Variants in CSMD1 observed in about 807,000 individuals in gnomAD.
CSMD1 encodes the protein CUB and sushi domain-containing protein 1.
A neutral mutation model predicts 417.5 loss-of-function variants in CSMD1; 213 were observed. That is an observed-to-expected ratio of 0.51 (90% CI 0.46 to 0.57). The LOEUF (loss-of-function observed/expected upper bound fraction) is 0.57. Ranked by LOEUF, CSMD1 falls within the 20% of genes least tolerant of loss-of-function variation. CSMD1 has a pLI of 0.00. For synonymous variants in CSMD1, 2,862 were observed against 1,736.8 expected (o/e 1.65, Z -16.11); for missense variants, 6,923 against 4,529.7 (o/e 1.53, Z -15.17).
At chr8:4,682,281 T>C (rs1433991291) in intron 1 of CSMD1, among the ~76,000 whole-genome samples, 2 of 152,188 alleles carry the variant, frequency 1.3e-5, no homozygotes, top group Admixed American at 6.5e-5. Context: ...TCCACCTGCC[T>C]TAGCCTCCCA....
intron 54 of CSMD1, among the ~76,000 whole-genome samples, chr8:2,991,645 A>G (rs1348815659): frequency 6.6e-6 from 1 of 152,256 alleles, no homozygotes; most frequent in Admixed American, 6.5e-5. Context: ...TTAATGAAAC[A>G]TACCCTTTTT....
At chr8:4,636,789 T>C (rs980138888) in intron 2 of CSMD1, among the ~76,000 whole-genome samples, 4 of 152,218 alleles carry the variant, frequency 2.6e-5, no homozygotes, top group Non-Finnish European at 4.4e-5. Flanking sequence ...ACTGTATTTT[T>C]CTTTTCTGGT....
At chr8:3,531,527 T>G (rs561576344) in intron 10 of CSMD1, among the ~76,000 whole-genome samples, 30 of 152,216 alleles carry the variant, frequency 2.0e-4, no homozygotes, top group African/African-American at 5.3e-4. Context: ...AAGAAGGCAG[T>G]GAGAGGGAGG....
chr8:4,575,930 A>G (rs1799114483), intron 2 of CSMD1, among the ~76,000 whole-genome samples: 1 of 152,160 alleles, frequency 6.6e-6, no homozygotes, highest in Non-Finnish European at 1.5e-5. Flanking sequence ...AAATCAAACA[A>G]TCCCACAGCA....
chr8:3,366,848 G>C (rs757141908), intron 20 of CSMD1, among the ~76,000 whole-genome samples, 184 bp downstream of exon 20: 10 of 152,234 alleles, frequency 6.6e-5, no homozygotes, highest in Non-Finnish European at 1.2e-4. Context: ...CCACATAACT[G>C]TACTTGCACC....
chr8:3,875,802 A>C (rs539486867), intron 5 of CSMD1, among the ~76,000 whole-genome samples: 4 of 152,212 alleles, frequency 2.6e-5, no homozygotes, highest in African/African-American at 9.6e-5. Context: ...GGAAGGTACA[A>C]AAACAGCTGA....
At chr8:4,024,499 A>C (rs561250634) in intron 4 of CSMD1, among the ~76,000 whole-genome samples, 16 of 152,316 alleles carry the variant, frequency 1.1e-4, no homozygotes, top group African/African-American at 3.8e-4. Context: ...ACTATAGCTG[A>C]CTTGTTACAA....
chr8:3,818,736 A>C (rs1404256356), intron 5 of CSMD1, among the ~76,000 whole-genome samples: 1 of 152,180 alleles, frequency 6.6e-6, no homozygotes, highest in Non-Finnish European at 1.5e-5. Context: ...GAGGAATTTG[A>C]TCAAGATAGA....
chr8:3,035,047 A>G (rs1361892807), intron 50 of CSMD1, among the ~76,000 whole-genome samples: 5 of 152,136 alleles, frequency 3.3e-5, no homozygotes, highest in African/African-American at 1.2e-4. Flanking sequence ...AAGACTTAAG[A>G]CAAAGTGGAG....
Position 3,038,884 on chromosome 8 carries a change from G to C in CSMD1, c.7661-9371C>G, listed in dbSNP as rs570630233. Among the ~76,000 whole-genome samples, 19 of 152,268 alleles carry C rather than the reference G, an allele frequency of 1.2e-4. No homozygotes were observed. The South Asian group carries it at 3.1e-3, about 25-fold the overall frequency. On this transcript the variant is annotated intron_variant, in intron 50 of 69. Transcript: ENST00000635120. ...ATGAGAACCCAGCCAGAGCCACATA[G>C]AGGCTTAAACTTCATCATGGAGACA...
intron 5 of CSMD1, among the ~76,000 whole-genome samples, chr8:3,862,212 G>A (rs1219653985): frequency 6.6e-6 from 1 of 152,048 alleles, no homozygotes; most frequent in Non-Finnish European, 1.5e-5. Flanking sequence ...TACAAATTAT[G>A]ACACATAACT....
chr8:4,092,859 A>T (rs748248429), intron 3 of CSMD1, among the ~76,000 whole-genome samples: 5 of 152,220 alleles, frequency 3.3e-5, no homozygotes, highest in African/African-American at 1.2e-4. Context: ...AATAATCATT[A>T]TAAGTAGAAT....
At chr8:3,502,441 T>C (rs1344092840) in intron 10 of CSMD1, among the ~76,000 whole-genome samples, 8 of 150,980 alleles carry the variant, frequency 5.3e-5, no homozygotes, top group African/African-American at 1.9e-4. Flanking sequence ...TTATTCATAA[T>C]CGCCAAAATT....
At chr8:4,426,485 A>C (rs895042678) in intron 2 of CSMD1, among the ~76,000 whole-genome samples, 7 of 148,072 alleles carry the variant, frequency 4.7e-5, no homozygotes, top group Non-Finnish European at 8.9e-5. Flanking sequence ...TATATATGAC[A>C]TATATAGTAA....
intron 51 of CSMD1, among the ~76,000 whole-genome samples, chr8:3,021,744 C>A (rs905644551): frequency 8.4e-6 from 1 of 119,466 alleles, no homozygotes; most frequent in Non-Finnish European, 1.9e-5. Flanking sequence ...ATCTGGAATG[C>A]ACCTGCAATC....
intron 1 of CSMD1, among the ~76,000 whole-genome samples, chr8:4,838,730 G>A (rs570598861): frequency 1.3e-5 from 2 of 152,282 alleles, no homozygotes; most frequent in Non-Finnish European, 1.5e-5. Context: ...CTTGTTTCAT[G>A]CCATCGGCTC....
chr8:4,342,491 T>A (rs942454027), intron 3 of CSMD1, among the ~76,000 whole-genome samples: 8 of 152,020 alleles, frequency 5.3e-5, no homozygotes, highest in Non-Finnish European at 7.4e-5. Flanking sequence ...CAGGACTAAA[T>A]CAGCCAGGGT....
chr8:4,048,960 T>C (rs1798285997), intron 3 of CSMD1, among the ~76,000 whole-genome samples: 1 of 152,182 alleles, frequency 6.6e-6, no homozygotes, highest in Admixed American at 6.5e-5. Flanking sequence ...AAATCTATCG[T>C]ATAAATGTGT....
chr8:4,463,759 G>C (rs979882614), intron 2 of CSMD1, among the ~76,000 whole-genome samples: 4 of 152,276 alleles, frequency 2.6e-5, no homozygotes, highest in East Asian at 1.9e-4. Context: ...AGGGAAAATA[G>C]TGAGTGGGTA....
Sources: gnomAD v4.1 joint callset for allele counts (sites outside exome capture counted in the v4.1 genomes callset) on GRCh38, gnomAD v4.1.1 for gene constraint, MANE v1.5 for transcripts, NCBI Gene and HGNC (gene_info 2026-07-23, HGNC 2026-07-21) for gene names.